Variants in HOOK2 observed in about 807,000 individuals in gnomAD.
HOOK2 encodes the protein hook microtubule tethering protein 2, also known as protein Hook homolog 2.
Under a neutral mutation model 111.9 loss-of-function variants are expected in HOOK2, and 108 were observed. The observed-to-expected ratio is 0.96, with a 90% CI of 0.83 to 1.13. The LOEUF (loss-of-function observed/expected upper bound fraction) is 1.13, where lower values mean the gene tolerates loss of function less well. HOOK2 is among the 50% of genes most tolerant of loss of function. The pLI is 0.00. For synonymous variants in HOOK2, 405 were observed against 394.3 expected (o/e 1.03, Z -0.32); for missense variants, 978 against 951.3 (o/e 1.03, Z -0.37).
Position 12,765,344 on chromosome 19 carries a change from C to T in HOOK2, c.1641-263G>A, listed in dbSNP as rs2145726600. ...TTCTTCCCATCCCACAGCTCCCAAG[C>T]TGGTTCAGCCACCATCTTCCCTTGC... On this transcript the variant is annotated intron_variant, in intron 18 of 22. Coordinates refer to ENST00000397668, the MANE Select transcript of HOOK2 (RefSeq NM_013312.3). 5.1e-6 allele frequency: 3 copies of T among 593,088 alleles called. No homozygotes were observed. In the South Asian group the frequency reaches 6.1e-5, roughly 12 times the overall value. The allele number at this position is 593,088 out of a possible 1,614,324, so 36.7% of individuals were successfully genotyped here.
At chr19:12,778,943 A>G (rs932631841), upstream of HOOK2, among the ~76,000 whole-genome samples, 9 of 152,222 alleles carry the variant, frequency 5.9e-5, 1 homozygote, top group African/African-American at 1.9e-4. Context: ...TTTGAAACAC[A>G]GGGAGCCCCG....
rs775001982 is a variant in HOOK2, at chr19:12,769,921, G to C, written c.1064C>G (p.Ala355Gly). 7.8e-6 allele frequency: 12 copies of C among 1,539,268 alleles called. No individual in the cohort carries two copies. Among genetic ancestry groups the C allele is most frequent in the Non-Finnish European group, 5.2e-6 (6 of 1,151,544 alleles). Residue 355 changes from alanine (A) to glycine (G), a missense_variant, in exon 11 of 23, where the codon GCG becomes GGG. This residue lies in a region of HOOK2 where 388 missense variants were observed against 358.3 expected (regional missense o/e 1.08). Transcript: ENST00000397668. ...TRQLEDELRR[A>G]GSLRAQLEAQ... ...CTCCAGCTGGGCGCGCAGGGAGCCC[G>C]CTCGGCGTAGCTCATCCTCCAGTTG...
At position 12,763,744 on chromosome 19, in the gene HOOK2, G is replaced by A; in HGVS notation, c.1862C>T (p.Ala621Val). The change falls in exon 21 of 23, where the codon GCT becomes GTT. Residue 621 changes from alanine to valine, a missense_variant. This residue lies in a region of HOOK2 where 277 missense variants were observed against 265.8 expected (regional missense o/e 1.04). Coordinates refer to ENST00000397668, the MANE Select transcript of HOOK2 (RefSeq NM_013312.3). ...ATGGAGTTCTGGAGGTGCCCCCGCA[G>A]CTGGCCGCTGCTTGGGTTCCATGGT... ...MQTMEPKQRP[A>V]AGAPPELHSL... is the part of the protein sequence containing the mutation. 6.2e-7 allele frequency: 1 copy of A among 1,614,206 alleles called. No homozygotes were observed. Among genetic ancestry groups the A allele is most frequent in the Non-Finnish European group, 8.5e-7 (1 of 1,180,022 alleles).
At chr19:12,781,176 G>C (rs112771072), upstream of HOOK2, among the ~76,000 whole-genome samples, 2 of 141,340 alleles carry the variant, frequency 1.4e-5, no homozygotes. Context: ...GGTGGCGGGC[G>C]CCTGTGGTCC....
chr19:12,771,126 G>T (rs1421902897), intron 9 of HOOK2, 33 bp downstream of exon 9: 1 of 1,611,392 alleles, frequency 6.2e-7, no homozygotes, highest in Admixed American at 1.7e-5. Flanking sequence ...CCGGTCCCCT[G>T]GCTTGCCTGG....
intron 14 of HOOK2, among the ~76,000 whole-genome samples, chr19:12,767,051 G>A (rs1346354265): frequency 6.6e-6 from 1 of 152,132 alleles, no homozygotes; most frequent in African/African-American, 2.4e-5. Context: ...AGTTAATCCC[G>A]GCAGGGCACA....
At chr19:12,789,010 A>G (rs1396847875) in intron 3 of HOOK2, among the ~76,000 whole-genome samples, 1 of 152,058 alleles carries the variant, frequency 6.6e-6, no homozygotes, top group Non-Finnish European at 1.5e-5. Context: ...GCCCCCACAT[A>G]GCTCAGTTTC....
At chr19:12,778,182 G>A (rs924281875), upstream of HOOK2, 1 of 152,258 alleles carries the variant, frequency 6.6e-6, no homozygotes, top group East Asian at 1.9e-4. Flanking sequence ...CAGATCGGAG[G>A]GGAGGGGCGC....
rs1273393043 is a variant in HOOK2, at chr19:12,786,048, C to T, written n.42-11823G>A. 3.3e-5 allele frequency among the ~76,000 whole-genome samples: 5 copies of T among 152,216 alleles called. No homozygotes were observed. Among genetic ancestry groups the T allele is most frequent in the Admixed American group, 1.3e-4 (2 of 15,290 alleles). On this transcript the variant is annotated intron_variant and non_coding_transcript_variant, in intron 3 of 3. Transcript: ENST00000589765. This position sits in a 1 kb window ranked among gnomAD's most constrained non-coding sequence, Gnocchi z 4.3. Reference sequence around the variant, plus strand: ...TCCCCTCATGCCCAACCATGTCAGCCTGGAGAGAGAGAAAGAGAGAGACTC... The same window carrying T: ...TCCCCTCATGCCCAACCATGTCAGCTTGGAGAGAGAGAAAGAGAGAGACTC...
At chr19:12,763,823 C>A (rs776454204) in intron 20 of HOOK2, 45 bp from the exon 21 acceptor site, 6 of 1,357,618 alleles carry the variant, frequency 4.4e-6, no homozygotes, top group African/African-American at 4.3e-5. Context: ...GGCCTTGAAA[C>A]CCCCTGGGAC....
At chr19:12,783,516 C>G (rs572556404) in intron 3 of HOOK2, among the ~76,000 whole-genome samples, 2 of 151,932 alleles carry the variant, frequency 1.3e-5, no homozygotes, top group African/African-American at 4.8e-5. Context: ...TCGAGCCTGG[C>G]CTCCTGGGGG....
chr19:12,763,280 T>G lies in HOOK2; in HGVS notation c.*2A>C. 6.2e-7 allele frequency: 1 copy of G among 1,612,312 alleles called. No homozygotes were observed. Among genetic ancestry groups the G allele is most frequent in the Middle Eastern group, 1.8e-4 (1 of 5,534 alleles). On this transcript the variant is annotated 3_prime_UTR_variant, in exon 23 of 23. Coordinates refer to ENST00000397668, the MANE Select transcript of HOOK2 (RefSeq NM_013312.3). ...CCCAGGCTGGCTTGATTGTGAGGTC[T>G]GTCAGTGCTTGTCAGTGGGGCGAAG...
intron 7 of HOOK2, 97 bp downstream of exon 7, chr19:12,772,093 A>T: frequency 1.1e-6 from 1 of 922,364 alleles, no homozygotes; most frequent in Non-Finnish European, 1.8e-6. Flanking sequence ...TAACAAGGTT[A>T]AGTCACAAGG....
intron 3 of HOOK2, among the ~76,000 whole-genome samples, chr19:12,788,792 G>A (rs954675268): frequency 6.6e-6 from 1 of 152,214 alleles, no homozygotes. Context: ...TAGCCTGGGC[G>A]GGAGACACAG....
chr19:12,773,028 A>G lies in HOOK2; in HGVS notation c.221T>C (p.Met74Thr), dbSNP rs371935053. ...GTACTCTACTAGGCTCCGTAAGACC[A>G]TCTTCAGATTGCTGACCTAGGGAGG... is the stretch of plus-strand genomic sequence containing the variant. Reference protein sequence around the residue: ...NWKLKVSNLKMVLRSLVEYSQ... With the variant: ...NWKLKVSNLKTVLRSLVEYSQ... Residue 74 changes from methionine (M) to threonine (T), a missense_variant, in exon 4 of 23, where the codon ATG becomes ACG. By Grantham distance (81) the Met-to-Thr change is moderately conservative (BLOSUM62 -1). This residue lies in a region of HOOK2 where 301 missense variants were observed against 286.1 expected (regional missense o/e 1.05). Coordinates refer to ENST00000397668, the MANE Select transcript of HOOK2 (RefSeq NM_013312.3). 6.2e-7 allele frequency: 1 copy of G among 1,613,968 alleles called. No homozygotes were observed. Among genetic ancestry groups the G allele is most frequent in the African/African-American group, 1.3e-5 (1 of 74,904 alleles).
intron 4 of HOOK2, 40 bp downstream of exon 4, chr19:12,772,954 C>T (rs2145766003): frequency 6.2e-7 from 1 of 1,614,208 alleles, no homozygotes; most frequent in East Asian, 2.2e-5. Context: ...GCCCACCCTT[C>T]TCCCAACTCA....
In HOOK2 at chr19:12,764,996, T is replaced by A. The variant is rs1309890001; in HGVS notation, c.1723+3A>T. 1.9e-6 allele frequency: 3 copies of A among 1,614,120 alleles called. No homozygotes were observed. Among genetic ancestry groups the A allele is most frequent in the African/African-American group, 1.3e-5 (1 of 75,062 alleles). Reference sequence around the variant, plus strand: ...CACCCTCTGGTCACTAGGTCCTACTTACTGCTGCTGTCAGTGGGTGGCTCC... The same window carrying A: ...CACCCTCTGGTCACTAGGTCCTACTAACTGCTGCTGTCAGTGGGTGGCTCC... On this transcript the variant is annotated splice_donor_region_variant and intron_variant, in intron 19 of 22. Coordinates refer to ENST00000397668, the MANE Select transcript of HOOK2 (RefSeq NM_013312.3).
In HOOK2 at chr19:12,767,858, G is replaced by A. The variant is rs774493022; in HGVS notation, c.1261C>T (p.Leu421=). ...CGCGGCTGCAGCTGGGCGCAGCGCAGCTCCTCATTGGCCTCCCGCAAGGAG... is the reference window on the plus strand; with the variant it reads ...CGCGGCTGCAGCTGGGCGCAGCGCAACTCCTCATTGGCCTCCCGCAAGGAG... The part of the protein sequence containing the change: ...RDSLREANEE[L]RCAQLQPRGL... Residue 421 remains leucine (L), a synonymous_variant, in exon 13 of 23, where the codon CTG becomes TTG. Coordinates refer to ENST00000397668, the MANE Select transcript of HOOK2 (RefSeq NM_013312.3). The A allele has an allele frequency of 6.2e-7, 1 of 1,607,078 alleles. No individual in the cohort carries two copies. The highest frequency in any genetic ancestry group is 8.5e-7 in the Non-Finnish European group (1 of 1,179,924).
chr19:12,786,336 G>A lies in HOOK2; in HGVS notation n.42-12111C>T, dbSNP rs77010274. ...CCCCCAGCCCAGTTTCCTAGTGAGG[G>A]CCCCACTGGTCAGTGGGGCCAGCAG... On this transcript the variant is annotated intron_variant and non_coding_transcript_variant, in intron 3 of 3. Transcript: ENST00000589765. This position sits in a 1 kb window ranked among gnomAD's most constrained non-coding sequence, Gnocchi z 4.3. Among the ~76,000 whole-genome samples, 2,682 of 152,178 alleles carry A rather than the reference G, an allele frequency of 0.018. 82 individuals are homozygous for A. Among genetic ancestry groups the A allele is most frequent in the African/African-American group, 0.061 (2,545 of 41,508 alleles).
Sources: allele counts gnomAD v4.1 joint callset (sites outside exome capture counted in the v4.1 genomes callset), GRCh38; gene constraint gnomAD v4.1.1; regional missense constraint gnomAD v4.1.1; non-coding constraint Gnocchi (gnomAD v3.1); transcripts MANE v1.5; gene names NCBI Gene and HGNC (gene_info 2026-07-23, HGNC 2026-07-21).